Variants in PARD3B observed in about 807,000 individuals in gnomAD.
PARD3B encodes the protein partitioning defective 3 homolog B.
In PARD3B, 103 loss-of-function variants were observed where a neutral mutation model predicts 130.2. The ratio of observed to expected loss-of-function variants is 0.79; its 90% confidence interval spans 0.67 to 0.93. PARD3B has a LOEUF of 0.93. PARD3B is among the 40% of genes least tolerant of loss of function. The pLI is 0.00. For missense variants in PARD3B, 1,609 were observed against 1,499.2 expected, an observed-to-expected ratio of 1.07 and a Z score of -1.21; for synonymous variants, 583 against 553.2, an observed-to-expected ratio of 1.05 and a Z score of -0.76.
chr2:204,894,923 G>T (rs1018114362), intron 2 of PARD3B, among the ~76,000 whole-genome samples: 1 of 151,862 alleles, frequency 6.6e-6, no homozygotes, highest in African/African-American at 2.4e-5. Context: ...TTGATTAGAA[G>T]AAATAAAAGT....
Position 205,597,220 on chromosome 2 carries a change from T to C in PARD3B, c.3261-18236T>C, listed in dbSNP as rs79237973. On this transcript the variant is annotated intron_variant, in intron 22 of 22. Coordinates refer to ENST00000406610, the MANE Select transcript of PARD3B (RefSeq NM_001302769.2). ...TAGTCCCCAGAGCCTATTGTTCTCA[T>C]CTTTGTTTGTGTGTACTCAATGTTT... Among the ~76,000 whole-genome samples, 32 of 152,232 alleles carry C rather than the reference T, an allele frequency of 2.1e-4. No individual in the cohort carries two copies. The East Asian group carries it at 4.8e-3, about 23-fold the overall frequency.
chr2:204,757,391 T>C (rs2040721694), intron 2 of PARD3B, among the ~76,000 whole-genome samples: 1 of 152,192 alleles, frequency 6.6e-6, no homozygotes, highest in East Asian at 1.9e-4. Flanking sequence ...AGTGTGTAAG[T>C]GTTCTCTTTC....
At chr2:204,547,112 G>A (rs1166125184) in intron 1 of PARD3B, among the ~76,000 whole-genome samples, 1 of 152,224 alleles carries the variant, frequency 6.6e-6, no homozygotes, top group South Asian at 2.1e-4. Flanking sequence ...GACTAAAATA[G>A]TGGGTTGGTC....
In PARD3B at chr2:205,585,099, A is replaced by G. The variant is rs192053785; in HGVS notation, c.3261-30357A>G. On this transcript the variant is annotated intron_variant, in intron 22 of 22. Coordinates refer to ENST00000406610, the MANE Select transcript of PARD3B (RefSeq NM_001302769.2). This position sits in a 1 kb window ranked among gnomAD's most constrained non-coding sequence, Gnocchi z 5.4. ...GGAGGCCTGGATAGTGGAGGCGTGA[A>G]AATAGATCCTTCGTAACCCCACAGC... Among the ~76,000 whole-genome samples the G allele has an allele frequency of 2.6e-5, 4 of 152,314 alleles. No homozygotes were observed. The highest frequency in any genetic ancestry group is 5.9e-5 in the Non-Finnish European group (4 of 68,022).
At chr2:205,574,340 C>T (rs2053665695) in intron 22 of PARD3B, among the ~76,000 whole-genome samples, 1 of 152,184 alleles carries the variant, frequency 6.6e-6, no homozygotes, top group Admixed American at 6.5e-5. Flanking sequence ...AGATGTCATC[C>T]TGGTGCCAGT....
At chr2:205,154,159 C>A (rs1281835788) in intron 10 of PARD3B, among the ~76,000 whole-genome samples, 1 of 151,864 alleles carries the variant, frequency 6.6e-6, no homozygotes, top group Admixed American at 6.6e-5. Flanking sequence ...TGACAAAGGG[C>A]TAATATCCAG....
intron 10 of PARD3B, among the ~76,000 whole-genome samples, chr2:205,151,485 C>T (rs1468280684): frequency 6.6e-6 from 1 of 152,160 alleles, no homozygotes; most frequent in African/African-American, 2.4e-5. Context: ...GTTACCTCTT[C>T]TTGTGGAATT....
Position 205,366,635 on chromosome 2 carries a change from T to C in PARD3B, c.2631-34378T>C, listed in dbSNP as rs1330871768. On this transcript the variant is annotated intron_variant, in intron 18 of 22. Coordinates refer to ENST00000406610, the MANE Select transcript of PARD3B (RefSeq NM_001302769.2). The surrounding 1 kb of genome is among the most constrained non-coding windows in gnomAD (Gnocchi z 5.0). The stretch of plus-strand genomic sequence containing the variant: ...CTACCTGTCAGCATACAGATGACAC[T>C]CAAATCTGTCTCCTCTCAAGCCTAA... Among the ~76,000 whole-genome samples, 3 of 152,136 alleles carry C rather than the reference T, an allele frequency of 2.0e-5. No individual in the cohort carries two copies. The highest frequency in any genetic ancestry group is 2.9e-5 in the Non-Finnish European group (2 of 68,026).
At chr2:204,686,037 A>G in intron 1 of PARD3B, 144 bp from the exon 2 acceptor site, 1 of 591,556 alleles carries the variant, frequency 1.7e-6, no homozygotes, top group Non-Finnish European at 3.0e-6. Context: ...TTTCCAAATA[A>G]ATAGATAACA....
In PARD3B at chr2:204,664,831, C is replaced by T. The variant is rs1183539279; in HGVS notation, c.121-21350C>T. Among the ~76,000 whole-genome samples the T allele has an allele frequency of 6.6e-6, 1 of 152,160 alleles. No individual in the cohort carries two copies. Among genetic ancestry groups the T allele is most frequent in the African/African-American group, 2.4e-5 (1 of 41,446 alleles). On this transcript the variant is annotated intron_variant, in intron 1 of 22. Coordinates refer to ENST00000406610, the MANE Select transcript of PARD3B (RefSeq NM_001302769.2). This position sits in a 1 kb window ranked among gnomAD's most constrained non-coding sequence, Gnocchi z 5.2. ...GCATACAGGATGAGGTAGCCTGAAA[C>T]AGTTTGAGGTATAATCAGTGTCTTC...
At chr2:205,286,469 T>C (rs2041401031) in intron 16 of PARD3B, among the ~76,000 whole-genome samples, 1 of 152,174 alleles carries the variant, frequency 6.6e-6, no homozygotes, top group African/African-American at 2.4e-5. Flanking sequence ...AACCTTTCAA[T>C]TCCAAGTCCC....
intron 10 of PARD3B, among the ~76,000 whole-genome samples, chr2:205,133,691 GCCTTTTTGGCTATGTGCC>G (rs554993557): frequency 0.059 from 8,925 of 152,228 alleles, 303 homozygotes; most frequent in African/African-American, 0.082. Context: ...GTTGAGTTGT[GCCTTTTTGGCTATGTGCC>G]CCTCATTTTG....
In PARD3B at chr2:205,011,549, A is replaced by C. The variant is rs1695714105; in HGVS notation, c.395-36032A>C. On this transcript the variant is annotated intron_variant, in intron 3 of 22. Transcript: ENST00000406610. This position sits in a 1 kb window ranked among gnomAD's most constrained non-coding sequence, Gnocchi z 4.1. ...CTGTCATATTTTATTCATCGCACAG[A>C]CCAACCTTGGTGCACTGTAGGAAGG... Among the ~76,000 whole-genome samples the C allele has an allele frequency of 6.6e-6, 1 of 152,172 alleles. No homozygotes were observed. The highest frequency in any genetic ancestry group is 1.5e-5 in the Non-Finnish European group (1 of 68,028).
chr2:205,552,668 C>T (rs2052701194), intron 21 of PARD3B, among the ~76,000 whole-genome samples: 1 of 152,122 alleles, frequency 6.6e-6, no homozygotes, highest in Admixed American at 6.5e-5. Flanking sequence ...CTCTTGACCT[C>T]CGAACAAAGT....
At chr2:204,880,401 C>A (rs1004725538) in intron 2 of PARD3B, among the ~76,000 whole-genome samples, 11 of 151,958 alleles carry the variant, frequency 7.2e-5, no homozygotes, top group Admixed American at 6.6e-4. Context: ...GTGGCTCATG[C>A]CTGTAATCCC....
intron 2 of PARD3B, among the ~76,000 whole-genome samples, chr2:204,955,929 A>C (rs777389300): frequency 1.3e-5 from 2 of 152,180 alleles, no homozygotes; most frequent in Admixed American, 6.5e-5. Flanking sequence ...TAATTATGGC[A>C]GACTTAAACT....
chr2:205,089,352 G>C (rs981313847), intron 4 of PARD3B, among the ~76,000 whole-genome samples: 1 of 151,734 alleles, frequency 6.6e-6, no homozygotes, highest in African/African-American at 2.4e-5. Flanking sequence ...TGTATTTTTA[G>C]TACAGACAGG....
rs849122 is a variant in PARD3B at position 205,158,304 on chromosome 2, A to G, written c.1435-418A>G. ...AAATTTTAAGACGTTTCTACACTAA[A>G]CTCTGTTCCTTCATCTGTAAAGTGA... is the stretch of plus-strand genomic sequence containing the variant. On this transcript the variant is annotated intron_variant, in intron 10 of 22. Coordinates refer to ENST00000406610, the MANE Select transcript of PARD3B (RefSeq NM_001302769.2). The surrounding 1 kb of genome is among the most constrained non-coding windows in gnomAD (Gnocchi z 5.4). Among the ~76,000 whole-genome samples the G allele has an allele frequency of 0.96, 145,716 of 152,242 alleles. 69,786 individuals are homozygous for G. The highest frequency in any genetic ancestry group is 1 in the East Asian group (5,171 of 5,176).
intron 18 of PARD3B, among the ~76,000 whole-genome samples, chr2:205,363,365 A>G (rs1241283644): frequency 6.6e-6 from 1 of 152,206 alleles, no homozygotes; most frequent in Admixed American, 6.5e-5. Context: ...CGCCAAATCC[A>G]TAGGTTTTCC....
Sources: allele counts gnomAD v4.1 joint callset (sites outside exome capture counted in the v4.1 genomes callset), GRCh38; gene constraint gnomAD v4.1.1; non-coding constraint Gnocchi (gnomAD v3.1); transcripts MANE v1.5; gene names NCBI Gene and HGNC (gene_info 2026-07-23, HGNC 2026-07-21).